FHIT: variants seen among roughly 807,000 people sequenced by gnomAD.
The protein encoded by FHIT is fragile histidine triad diadenosine triphosphatase.
FHIT carries 19 observed loss-of-function variants against 17.9 expected under a neutral mutation model. The ratio of observed to expected loss-of-function variants is 1.06; its 90% CI spans 0.74 to 1.56. The LOEUF is 1.56. Ranked by LOEUF, FHIT falls within the 40% of genes most tolerant of loss-of-function variation. The pLI is 0.00. For missense variants in FHIT, 248 were observed against 189.2 expected (o/e 1.31, Z -1.82); for synonymous variants, 81 against 69.7 (o/e 1.16, Z -0.81).
At chr3:60,495,119 T>C (rs528912129) in intron 5 of FHIT, among the ~76,000 whole-genome samples, 1 of 152,270 alleles carries the variant, frequency 6.6e-6, no homozygotes, top group African/African-American at 2.4e-5. Context: ...TTTCTCTACA[T>C]CCCCGCCAGC....
At chr3:60,436,951 C>T (rs1446357077) in intron 5 of FHIT, among the ~76,000 whole-genome samples, 1 of 152,108 alleles carries the variant, frequency 6.6e-6, no homozygotes, top group African/African-American at 2.4e-5. Context: ...TTAAACTACA[C>T]AGCCTACAGG....
intron 3 of FHIT, among the ~76,000 whole-genome samples, chr3:60,994,709 G>A (rs2030524682): frequency 1.3e-5 from 2 of 152,154 alleles, no homozygotes; most frequent in South Asian, 4.1e-4. Context: ...ATTGGGCAAT[G>A]GGAATCTGAG....
At chr3:60,749,245 T>C (rs142225307) in intron 4 of FHIT, among the ~76,000 whole-genome samples, 118 of 152,320 alleles carry the variant, frequency 7.7e-4, no homozygotes, top group African/African-American at 2.7e-3. Context: ...AGAAGGAATT[T>C]ATGAAAGCCT....
At chr3:60,347,984 C>G (rs1007576613) in intron 5 of FHIT, among the ~76,000 whole-genome samples, 1 of 152,084 alleles carries the variant, frequency 6.6e-6, no homozygotes, top group African/African-American at 2.4e-5. Context: ...GTCTCAAACT[C>G]CTCACCTCAG....
chr3:60,157,854 C>G (rs1700769535), intron 5 of FHIT, among the ~76,000 whole-genome samples: 2 of 151,690 alleles, frequency 1.3e-5, no homozygotes, highest in Non-Finnish European at 2.9e-5. Context: ...TTATGGGTGA[C>G]CCCAGATCTT....
At chr3:60,561,419 T>C (rs912136045) in intron 4 of FHIT, among the ~76,000 whole-genome samples, 2 of 152,002 alleles carry the variant, frequency 1.3e-5, no homozygotes, top group African/African-American at 4.8e-5. Flanking sequence ...TACAAGTCGC[T>C]ATTGATAGAA....
intron 1 of FHIT, among the ~76,000 whole-genome samples, chr3:61,244,754 C>T (rs1189936614): frequency 6.6e-6 from 1 of 152,138 alleles, no homozygotes; most frequent in East Asian, 1.9e-4. Flanking sequence ...GCTATGTTTC[C>T]TCCCATTGTT....
intron 5 of FHIT, among the ~76,000 whole-genome samples, chr3:60,508,138 G>A (rs182998985): frequency 6.6e-6 from 1 of 152,196 alleles, no homozygotes; most frequent in Admixed American, 6.5e-5. Flanking sequence ...TAAATAAGCT[G>A]AGTGAGGAAT....
intron 2 of FHIT, among the ~76,000 whole-genome samples, chr3:61,196,044 T>C (rs943360515): frequency 2.0e-5 from 3 of 152,168 alleles, no homozygotes; most frequent in African/African-American, 4.8e-5. Flanking sequence ...ATAAAAATTG[T>C]AATATAACTA....
chr3:60,469,036 C>T (rs910100916), intron 5 of FHIT, among the ~76,000 whole-genome samples: 2 of 152,106 alleles, frequency 1.3e-5, no homozygotes, highest in East Asian at 1.9e-4. Context: ...ACATCTGCTG[C>T]CATACATTTT....
chr3:60,142,732 C>G (rs1002582353), intron 5 of FHIT, among the ~76,000 whole-genome samples: 24 of 151,066 alleles, frequency 1.6e-4, no homozygotes, highest in African/African-American at 5.8e-4. Flanking sequence ...CTATGTTGCC[C>G]AGGCTGGTCT....
chr3:60,355,385 A>G (rs1267894683), intron 5 of FHIT, among the ~76,000 whole-genome samples: 6 of 151,912 alleles, frequency 3.9e-5, no homozygotes, highest in Non-Finnish European at 2.9e-5. Context: ...TTCTTATCTA[A>G]TCTGTCATCT....
intron 3 of FHIT, among the ~76,000 whole-genome samples, chr3:60,858,749 T>A (rs112813975): frequency 3.8e-4 from 58 of 152,260 alleles, no homozygotes; most frequent in Admixed American, 7.2e-4. Context: ...TTCAAGAAGG[T>A]CCCAGTTTCT....
At chr3:60,409,814 C>A (rs191913494) in intron 5 of FHIT, among the ~76,000 whole-genome samples, 56 of 152,198 alleles carry the variant, frequency 3.7e-4, no homozygotes, top group African/African-American at 1.3e-3. Context: ...CTCAATACTC[C>A]CATGCTACAC....
At chr3:60,102,887 A>G (rs1298114400) in intron 5 of FHIT, among the ~76,000 whole-genome samples, 1 of 152,208 alleles carries the variant, frequency 6.6e-6, no homozygotes, top group East Asian at 1.9e-4. Flanking sequence ...AATCACAATT[A>G]TAGATTTGGT....
At chr3:61,122,526 G>C (rs2036488751) in intron 2 of FHIT, among the ~76,000 whole-genome samples, 1 of 152,172 alleles carries the variant, frequency 6.6e-6, no homozygotes, top group Non-Finnish European at 1.5e-5. Flanking sequence ...AAACTAAAGA[G>C]CTTCTGCACA....
chr3:60,491,388 T>C (rs1298350972), intron 5 of FHIT, among the ~76,000 whole-genome samples: 1 of 151,554 alleles, frequency 6.6e-6, no homozygotes, highest in Non-Finnish European at 1.5e-5. Flanking sequence ...TACGAAAAGC[T>C]ACAATTATAT....
intron 5 of FHIT, among the ~76,000 whole-genome samples, chr3:60,149,963 G>A (rs1320252347): frequency 6.8e-6 from 1 of 148,118 alleles, no homozygotes; most frequent in Non-Finnish European, 1.5e-5. Flanking sequence ...TGGTTAGGCT[G>A]GATAAAAGGC....
intron 8 of FHIT, among the ~76,000 whole-genome samples, chr3:59,819,079 TG>T (rs1700703230): frequency 6.6e-6 from 1 of 152,232 alleles, no homozygotes; most frequent in Non-Finnish European, 1.5e-5. Context: ...CAGTTCCATA[TG>T]CTGTGTTTCT....
Sources: allele counts gnomAD v4.1 joint callset (sites outside exome capture counted in the v4.1 genomes callset), GRCh38; gene constraint gnomAD v4.1.1; transcripts MANE v1.5; gene names NCBI Gene and HGNC (gene_info 2026-07-23, HGNC 2026-07-21).